Variants in PAICS observed in about 807,000 individuals in gnomAD.
The protein encoded by PAICS is phosphoribosylaminoimidazole carboxylase and phosphoribosylaminoimidazolesuccinocarboxamide synthase.
A neutral mutation model predicts 53.7 loss-of-function variants in PAICS; 33 were observed. The observed-to-expected ratio is 0.61, with a 90% CI of 0.47 to 0.82. The LOEUF is 0.82. PAICS is among the 40% of genes least tolerant of loss of function. The pLI, the probability that PAICS is intolerant of heterozygous loss-of-function variation, is 0.00. For missense variants in PAICS, 394 were observed against 494.1 expected (o/e 0.80, Z 1.92); for synonymous variants, 141 against 167.2 (o/e 0.84, Z 1.21).
At chr4:56,436,632 A>C in intron 1 of PAICS, 1 of 646,384 alleles carries the variant, frequency 1.5e-6, no homozygotes. Context: ...ATTCGTCAAA[A>C]CCTGAGTCTT....
upstream of PAICS, chr4:56,431,656 T>G: frequency 1.4e-5 from 4 of 280,960 alleles, no homozygotes; most frequent in Non-Finnish European, 2.2e-5. Flanking sequence ...GGTTATCTCC[T>G]AATCAAGGAA....
chr4:56,446,607 TGTAAA>T, intron 2 of PAICS, 83 bp from the exon 3 acceptor site: 1 of 760,962 alleles, frequency 1.3e-6, no homozygotes. Flanking sequence ...CTTTGTTGCT[TGTAAA>T]GGGTAGAGTT....
At chr4:56,442,003 T>TA in intron 2 of PAICS, 143 bp downstream of exon 2, 1 of 595,648 alleles carries the variant, frequency 1.7e-6, no homozygotes, top group Non-Finnish European at 3.0e-6. Flanking sequence ...CAAGAACCCT[T>TA]AAACTTCACT....
Position 56,460,268 on chromosome 4 carries a change from C to G in PAICS, c.*730C>G, listed in dbSNP as rs1013997873. On this transcript the variant is annotated 3_prime_UTR_variant, in exon 9 of 9. Coordinates refer to ENST00000512576, the MANE Select transcript of PAICS (RefSeq NM_001079524.2). Reference sequence around the variant, plus strand: ...AAAACAGAATGCTCCCAACTTTATTCATCTTCCAAGCCTGTAGCTCTTGGT... The same window carrying G: ...AAAACAGAATGCTCCCAACTTTATTGATCTTCCAAGCCTGTAGCTCTTGGT... 1 of 152,236 alleles carries G rather than the reference C, an allele frequency of 6.6e-6. No individual in the cohort carries two copies. The highest frequency in any genetic ancestry group is 1.5e-5 in the Non-Finnish European group (1 of 68,060). The allele number at this position is 152,236 out of a possible 1,614,324, so 9.4% of individuals were successfully genotyped here.
chr4:56,438,371 TTATATATATATATATA>T (rs61681463), intron 1 of PAICS, among the ~76,000 whole-genome samples: 20 of 113,676 alleles, frequency 1.8e-4, no homozygotes, highest in South Asian at 2.9e-4. Context: ...TGCAATGTGT[TTATATATATATATATA>T]TATATATATA....
At chr4:56,440,823 G>T (rs963012651) in intron 1 of PAICS, among the ~76,000 whole-genome samples, 1 of 152,186 alleles carries the variant, frequency 6.6e-6, no homozygotes, top group Non-Finnish European at 1.5e-5. Context: ...TGGATACACC[G>T]GGAAAATGTT....
chr4:56,449,367 A>G lies in PAICS; in HGVS notation c.687+544A>G, dbSNP rs1484269558. Among the ~76,000 whole-genome samples the G allele has an allele frequency of 2.0e-5, 3 of 152,228 alleles. 1 individual carries two copies. The highest frequency in any genetic ancestry group is 2.0e-4 in the Admixed American group (3 of 15,288). ...GCTGTTTTAAAAAAGTCAGGAAACA[A>G]CAGATGCTGGAGAGGCTATGAAGAA... On this transcript the variant is annotated intron_variant, in intron 5 of 8. Coordinates refer to ENST00000512576, the MANE Select transcript of PAICS (RefSeq NM_001079524.2).
rs114348547 is a variant in PAICS, at chr4:56,443,821, C to T, written c.214+1961C>T. ...CTGAAGAGTCCTGTGATCAGGGGAA[C>T]AGGGAAGGATGGTTACCTAAATGAA... On this transcript the variant is annotated intron_variant, in intron 2 of 8. Coordinates refer to ENST00000512576, the MANE Select transcript of PAICS (RefSeq NM_001079524.2). Among the ~76,000 whole-genome samples the T allele has an allele frequency of 3.8e-3, 582 of 152,264 alleles. 5 individuals carry two copies. The highest frequency in any genetic ancestry group is 0.013 in the African/African-American group (534 of 41,548).
Position 56,449,797 on chromosome 4 carries a change from C to A in PAICS, c.688-822C>A, listed in dbSNP as rs181600626. 1.1e-3 allele frequency among the ~76,000 whole-genome samples: 157 copies of A among 145,402 alleles called. 2 individuals are homozygous for A. The East Asian group carries it at 0.02, about 18-fold the overall frequency. ...TCAAGACCAGGCCAAGATAGTGAAA[C>A]CTTGTCTCAAAAAAAAAAAAAAAAA... On this transcript the variant is annotated intron_variant, in intron 5 of 8. Coordinates refer to ENST00000512576, the MANE Select transcript of PAICS (RefSeq NM_001079524.2).
At chr4:56,450,545 C>A in intron 5 of PAICS, 74 bp from the exon 6 acceptor site, 1 of 804,496 alleles carries the variant, frequency 1.2e-6, no homozygotes, top group Non-Finnish European at 2.1e-6. Flanking sequence ...TAATCCCTCC[C>A]CAAAACTCAG....
the PAICS span, chr4:56,425,325 T>C: frequency 4.6e-6 from 1 of 215,212 alleles, no homozygotes; most frequent in East Asian, 1.8e-4. Context: ...TAATGCACTT[T>C]AGTCATATGA....
In PAICS at chr4:56,461,756, A is replaced by C. The variant is rs934867582; in HGVS notation, c.*2218A>C. Reference sequence around the variant, plus strand: ...GTGCTAAATATTTGAAGGTATTTCTACTGTTTTGTAAAAGTAACTTAAGCC... The same window carrying C: ...GTGCTAAATATTTGAAGGTATTTCTCCTGTTTTGTAAAAGTAACTTAAGCC... On this transcript the variant is annotated 3_prime_UTR_variant, in exon 9 of 9. Coordinates refer to ENST00000512576, the MANE Select transcript of PAICS (RefSeq NM_001079524.2). 3 of 152,214 alleles carry C rather than the reference A, an allele frequency of 2.0e-5. No homozygotes were observed. The highest frequency in any genetic ancestry group is 4.4e-5 in the Non-Finnish European group (3 of 68,040). 9.4% of individuals were successfully genotyped at this position (152,214 alleles called of 1,614,324 possible). A position where few individuals can be genotyped will look rare whatever the true frequency, so the allele number is the denominator to read the frequency against.
In PAICS at chr4:56,453,598, C is replaced by T. The variant is rs762822699; in HGVS notation, c.953-5C>T. On this transcript the variant is annotated splice_polypyrimidine_tract_variant and splice_region_variant and intron_variant, in intron 7 of 8. Coordinates refer to ENST00000512576, the MANE Select transcript of PAICS (RefSeq NM_001079524.2). The stretch of plus-strand genomic sequence containing the variant: ...AGCATAATTATACTCTTGTCATTTC[C>T]CTAGGGGATGGCATTCCTACTGTAT... 1.3e-6 allele frequency: 2 copies of T among 1,582,652 alleles called. No individual in the cohort carries two copies. Among genetic ancestry groups the T allele is most frequent in the Non-Finnish European group, 1.7e-6 (2 of 1,160,894 alleles).
intron 8 of PAICS, 22 bp from the exon 9 acceptor site, chr4:56,459,350 C>CT: frequency 6.6e-7 from 1 of 1,508,076 alleles, no homozygotes; most frequent in South Asian, 1.3e-5. Context: ...AATTTTCTGT[C>CT]TTTTCCTTGC....
the PAICS span, among the ~76,000 whole-genome samples, chr4:56,413,811 C>T: frequency 3.9e-5 from 6 of 152,080 alleles, no homozygotes; most frequent in African/African-American, 1.4e-4. Context: ...ACAGGAGAAT[C>T]GCTTGAACCC....
chr4:56,459,553 G>A lies in PAICS; in HGVS notation c.*15G>A, dbSNP rs747869565. The A allele has an allele frequency of 1.3e-6, 2 of 1,515,254 alleles. No individual in the cohort carries two copies. The highest frequency in any genetic ancestry group is 2.3e-5 in the East Asian group (1 of 43,402). 93.9% of individuals were successfully genotyped at this position (1,515,254 alleles called of 1,614,324 possible). A position where few individuals can be genotyped will look rare whatever the true frequency, so the allele number is the denominator to read the frequency against. On this transcript the variant is annotated 3_prime_UTR_variant, in exon 9 of 9. Coordinates refer to ENST00000512576, the MANE Select transcript of PAICS (RefSeq NM_001079524.2). The stretch of plus-strand genomic sequence containing the variant: ...GTAATTTATAAGAAAGAATGCCATT[G>A]AATTTTTTAGGGGAAAAACTACAAA...
chr4:56,417,842 G>GTTTTTTTTTT, the PAICS span, among the ~76,000 whole-genome samples: 1 of 136,168 alleles, frequency 7.3e-6, no homozygotes, highest in Non-Finnish European at 1.6e-5. Flanking sequence ...TTGGTTTTTT[G>GTTTTTTTTTT]TTTTTTTTTT....
the PAICS span, among the ~76,000 whole-genome samples, chr4:56,413,802 C>T: frequency 6.6e-6 from 1 of 152,080 alleles, no homozygotes. Context: ...GAGGCTGAGA[C>T]AGGAGAATCG....
chr4:56,463,791 T>G lies in PAICS; in HGVS notation c.*4253T>G, dbSNP rs1363651192. The G allele has an allele frequency of 6.6e-6, 1 of 152,134 alleles. No individual in the cohort carries two copies. The allele number at this position is 152,134 out of a possible 1,614,324, so 9.4% of individuals were successfully genotyped here. A position where few individuals can be genotyped will look rare whatever the true frequency, so the allele number is the denominator to read the frequency against. On this transcript the variant is annotated 3_prime_UTR_variant, in exon 9 of 9. Coordinates refer to ENST00000512576, the MANE Select transcript of PAICS (RefSeq NM_001079524.2). ...TGGATACTGATGAGATGGCTAATTC[T>G]GTCAACTTGACTAGGCTACGGGATG...
Sources: gnomAD v4.1 joint callset for allele counts (sites outside exome capture counted in the v4.1 genomes callset) on GRCh38, gnomAD v4.1.1 for gene constraint, MANE v1.5 for transcripts, NCBI Gene and HGNC (gene_info 2026-07-23, HGNC 2026-07-21) for gene names.